HCN1: variants seen among roughly 807,000 people sequenced by gnomAD.
HCN1 encodes potassium/sodium hyperpolarization-activated cyclic nucleotide-gated channel 1.
Under a neutral mutation model 78.9 loss-of-function variants are expected in HCN1, and 13 were observed. That is an observed-to-expected ratio of 0.16 (90% CI 0.11 to 0.26). The LOEUF (loss-of-function observed/expected upper bound fraction) is 0.26, where lower values mean the gene tolerates loss of function less well. Ranked by LOEUF, HCN1 falls within the 10% of genes least tolerant of loss-of-function variation. The pLI is 1.00. For missense variants in HCN1, 810 were observed against 1,154.3 expected, an observed-to-expected ratio of 0.70 and a Z score of 4.32; for synonymous variants, 552 against 455.5, an observed-to-expected ratio of 1.21 and a Z score of -2.70.
chr5:45,569,411 T>G (rs1743779945), intron 2 of HCN1, among the ~76,000 whole-genome samples: 2 of 152,188 alleles, frequency 1.3e-5, no homozygotes, highest in African/African-American at 2.4e-5. Context: ...ATTTTAAAAA[T>G]TCTTTTGAGA....
At chr5:45,370,790 C>G (rs944547129) in intron 4 of HCN1, among the ~76,000 whole-genome samples, 1 of 151,802 alleles carries the variant, frequency 6.6e-6, no homozygotes, top group African/African-American at 2.4e-5. Flanking sequence ...TTCACTGACA[C>G]AAAATGCAAA....
At chr5:45,357,304 C>T (rs138014586) in intron 4 of HCN1, among the ~76,000 whole-genome samples, 1 of 152,094 alleles carries the variant, frequency 6.6e-6, no homozygotes, top group African/African-American at 2.4e-5. Flanking sequence ...GGTTGAACTC[C>T]TCTAGTTGGA....
intron 4 of HCN1, among the ~76,000 whole-genome samples, chr5:45,365,709 A>C (rs1747221407): frequency 6.6e-6 from 1 of 151,902 alleles, no homozygotes; most frequent in African/African-American, 2.4e-5. Context: ...AATACCAAGC[A>C]GTGGGATTAC....
rs982737464 is a variant in HCN1 at position 45,255,879 on chromosome 5, T to G, written c.*6042A>C. On this transcript the variant is annotated 3_prime_UTR_variant, in exon 8 of 8. Transcript: ENST00000303230. Reference sequence around the variant, plus strand: ...CTGTAGAAAACGATGCAACCTGTTTTTTTGCAAAATTCCGTTATTTAAAAA... The same window carrying G: ...CTGTAGAAAACGATGCAACCTGTTTGTTTGCAAAATTCCGTTATTTAAAAA... 6.6e-6 allele frequency: 1 copy of G among 152,134 alleles called. No individual in the cohort carries two copies. Among genetic ancestry groups the G allele is most frequent in the Non-Finnish European group, 1.5e-5 (1 of 68,032 alleles). 9.4% of individuals were successfully genotyped at this position (152,134 alleles called of 1,614,324 possible). A position where few individuals can be genotyped will look rare whatever the true frequency, so the allele number is the denominator to read the frequency against.
intron 2 of HCN1, among the ~76,000 whole-genome samples, chr5:45,535,187 T>C (rs917943914): frequency 3.7e-4 from 57 of 152,220 alleles, no homozygotes; most frequent in South Asian, 2.1e-4. Flanking sequence ...CATTGAAATA[T>C]AAAACTAGGG....
intron 2 of HCN1, among the ~76,000 whole-genome samples, chr5:45,525,037 T>C (rs1460956163): frequency 2.0e-5 from 3 of 152,200 alleles, no homozygotes; most frequent in Non-Finnish European, 4.4e-5. Flanking sequence ...GTCCCATCAA[T>C]ACCTAATTTA....
intron 5 of HCN1, among the ~76,000 whole-genome samples, chr5:45,327,049 G>T (rs753584747): frequency 1.3e-5 from 2 of 151,636 alleles, no homozygotes; most frequent in Non-Finnish European, 2.9e-5. Flanking sequence ...GTGTTCATTA[G>T]AGAATTTGTA....
chr5:45,660,833 A>G (rs1191473488), intron 1 of HCN1, among the ~76,000 whole-genome samples: 1 of 132,950 alleles, frequency 7.5e-6, no homozygotes, highest in Non-Finnish European at 1.6e-5. Context: ...AAAGAGACTT[A>G]GACTCCCACA....
chr5:45,578,155 TAGATGACCCACC>T (rs1375626675), intron 2 of HCN1, among the ~76,000 whole-genome samples: 4 of 152,156 alleles, frequency 2.6e-5, no homozygotes, highest in Admixed American at 6.6e-5. Flanking sequence ...GTTCTCTTTT[TAGATGACCCACC>T]ACAGTGTCCT....
chr5:45,359,665 G>A (rs1410411007), intron 4 of HCN1, among the ~76,000 whole-genome samples: 1 of 151,606 alleles, frequency 6.6e-6, no homozygotes, highest in East Asian at 1.9e-4. Flanking sequence ...TTTGAAAGTA[G>A]GCTACACTAG....
rs1243458028 is a variant in HCN1, at chr5:45,480,134, GTT to G, written c.850-18129_850-18128del. The G allele has an allele frequency of 2.6e-5, 4 of 152,506 alleles. 1 individual carries two copies. The highest frequency in any genetic ancestry group is 9.7e-5 in the African/African-American group (4 of 41,400). The allele number at this position is 152,506 out of a possible 1,614,324, so 9.4% of individuals were successfully genotyped here. A position where few individuals can be genotyped will look rare whatever the true frequency, so the allele number is the denominator to read the frequency against. ...ATATACTCAAATATACCTACCCATG[GTT>G]TATACATTTCCACATTTTTTTTAGT... is the stretch of plus-strand genomic sequence containing the variant. On this transcript the variant is annotated intron_variant, in intron 2 of 7. Transcript: ENST00000303230.
chr5:45,462,389 A>G (rs1301571320), intron 2 of HCN1, among the ~76,000 whole-genome samples: 1 of 152,138 alleles, frequency 6.6e-6, no homozygotes, highest in Non-Finnish European at 1.5e-5. Context: ...ATCTCTTGTT[A>G]TATTAATAGA....
At chr5:45,380,958 C>T (rs1747797457) in intron 4 of HCN1, among the ~76,000 whole-genome samples, 1 of 152,110 alleles carries the variant, frequency 6.6e-6, no homozygotes, top group African/African-American at 2.4e-5. Flanking sequence ...GCTGTGAGCA[C>T]AGTGATAATT....
intron 3 of HCN1, among the ~76,000 whole-genome samples, chr5:45,438,180 C>G (rs1740597533): frequency 6.6e-6 from 1 of 152,094 alleles, no homozygotes; most frequent in Non-Finnish European, 1.5e-5. Context: ...GTCTACCACA[C>G]CAAATGAAAA....
chr5:45,534,715 G>A (rs1006559802), intron 2 of HCN1, among the ~76,000 whole-genome samples: 31 of 151,490 alleles, frequency 2.0e-4, no homozygotes, highest in African/African-American at 6.0e-4. Context: ...TTTGTTAAGC[G>A]AAACTGGTTG....
intron 2 of HCN1, among the ~76,000 whole-genome samples, chr5:45,540,699 A>T (rs1454330701): frequency 6.6e-6 from 1 of 152,150 alleles, no homozygotes; most frequent in Non-Finnish European, 1.5e-5. Flanking sequence ...TAATATGTAA[A>T]TAGCACATTT....
At chr5:45,522,021 T>C (rs987057741) in intron 2 of HCN1, among the ~76,000 whole-genome samples, 3 of 152,004 alleles carry the variant, frequency 2.0e-5, no homozygotes, top group Non-Finnish European at 2.9e-5. Flanking sequence ...TTTAAAACAC[T>C]ATAAACTAAA....
intron 2 of HCN1, among the ~76,000 whole-genome samples, chr5:45,549,370 A>T (rs549666159): frequency 1.3e-5 from 2 of 152,310 alleles, no homozygotes; most frequent in African/African-American, 2.4e-5. Flanking sequence ...GATCTTTGAC[A>T]AACCTGACAA....
chr5:45,293,315 T>C (rs1401185410), intron 6 of HCN1, among the ~76,000 whole-genome samples: 3 of 151,976 alleles, frequency 2.0e-5, no homozygotes, highest in East Asian at 3.9e-4. Context: ...TGTTATCTCA[T>C]TGTGGTTTTG....
Sources: allele counts gnomAD v4.1 joint callset (sites outside exome capture counted in the v4.1 genomes callset), GRCh38; gene constraint gnomAD v4.1.1; transcripts MANE v1.5; gene names NCBI Gene and HGNC (gene_info 2026-07-23, HGNC 2026-07-21).